Variants in FGF12 observed in about 807,000 individuals in gnomAD.
FGF12 encodes fibroblast growth factor 12B.
FGF12 carries 14 observed loss-of-function variants against 23.6 expected under a neutral mutation model. The observed-to-expected ratio is 0.59, with a 90% CI of 0.39 to 0.93. The LOEUF is 0.93. Ranked by LOEUF, FGF12 falls within the 40% of genes least tolerant of loss-of-function variation. The probability of loss-of-function intolerance (pLI) is 0.00; values close to 1 mark genes in which losing one functional copy is unlikely to be tolerated. For synonymous variants in FGF12, 62 were observed against 77.3 expected (o/e 0.80, Z 1.04); for missense variants, 175 against 217.8 (o/e 0.80, Z 1.24).
Position 192,649,886 on chromosome 3 carries a change from A to G in FGF12, c.13+77295T>C, listed in dbSNP as rs372612205. On this transcript the variant is annotated intron_variant, in intron 2 of 5. Transcript: ENST00000445105. Reference sequence around the variant, plus strand: ...ATTTTAACTTATGAATTATTTTCATACAAGATAATAGTCTTTTTAAAATGC... The same window carrying G: ...ATTTTAACTTATGAATTATTTTCATGCAAGATAATAGTCTTTTTAAAATGC... Among the ~76,000 whole-genome samples, 4 of 152,192 alleles carry G rather than the reference A, an allele frequency of 2.6e-5. No individual in the cohort carries two copies. In the East Asian group the frequency reaches 5.8e-4, roughly 22 times the overall value.
At position 192,504,159 on chromosome 3, in the gene FGF12, A is replaced by G. The variant is rs546362028; in HGVS notation, c.14-143621T>C. ...AGAAAGAGGACATATAAACACTAAG[A>G]GAGGAACCACGGACGCCAGGGCCTA... is the stretch of plus-strand genomic sequence containing the variant. On this transcript the variant is annotated intron_variant, in intron 2 of 5. Transcript: ENST00000445105. Among the ~76,000 whole-genome samples the G allele has an allele frequency of 6.6e-5, 10 of 152,180 alleles. No individual in the cohort carries two copies. The South Asian group carries it at 2.1e-3, about 32-fold the overall frequency.
intron 2 of FGF12, among the ~76,000 whole-genome samples, chr3:192,485,475 A>G (rs929671172): frequency 1.3e-5 from 2 of 152,200 alleles, no homozygotes; most frequent in Admixed American, 6.6e-5. Flanking sequence ...TAGGAATACC[A>G]TTGTTAGAAT....
At chr3:192,603,051 T>G (rs1279286301) in intron 2 of FGF12, among the ~76,000 whole-genome samples, 1 of 152,014 alleles carries the variant, frequency 6.6e-6, no homozygotes, top group African/African-American at 2.4e-5. Context: ...TAATAAGACC[T>G]TCTATGACAA....
intron 2 of FGF12, among the ~76,000 whole-genome samples, chr3:192,401,462 GT>G (rs751045781): frequency 2.4e-4 from 36 of 152,128 alleles, no homozygotes; most frequent in Middle Eastern, 3.2e-3. Flanking sequence ...TATGAAAATC[GT>G]TTTGACCTTC....
intron 3 of FGF12, 39 bp from the exon 4 acceptor site, chr3:192,335,503 C>A (rs576142751): frequency 6.6e-6 from 8 of 1,219,862 alleles, no homozygotes; most frequent in Middle Eastern, 2.0e-4. Flanking sequence ...GATCAGTGAC[C>A]TTTTGAATAA....
chr3:192,685,714 C>T (rs2108713153), intron 2 of FGF12, among the ~76,000 whole-genome samples: 2 of 152,226 alleles, frequency 1.3e-5, no homozygotes, highest in East Asian at 3.9e-4. Flanking sequence ...AATCGGACTT[C>T]AGGCTAAGGG....
intron 2 of FGF12, among the ~76,000 whole-genome samples, chr3:192,533,660 A>C (rs187734279): frequency 6.6e-6 from 1 of 151,980 alleles, no homozygotes; most frequent in Non-Finnish European, 1.5e-5. Context: ...GCCTCTGTTC[A>C]TTTTCTTTCC....
intron 2 of FGF12, among the ~76,000 whole-genome samples, chr3:192,423,587 A>G (rs972905191): frequency 6.6e-6 from 1 of 152,204 alleles, no homozygotes; most frequent in Non-Finnish European, 1.5e-5. Context: ...CTTGGAATGG[A>G]AAGAACTTTA....
In FGF12 at chr3:192,655,997, G is replaced by A. The variant is rs186739722; in HGVS notation, c.13+71184C>T. ...AGACACATGGGCCGAGAAAAGAAACGTTACATGCCAGAAAAGAAATTCCCT... is the reference window on the plus strand; with the variant it reads ...AGACACATGGGCCGAGAAAAGAAACATTACATGCCAGAAAAGAAATTCCCT... On this transcript the variant is annotated intron_variant, in intron 2 of 5. Transcript: ENST00000445105. 5.0e-3 allele frequency among the ~76,000 whole-genome samples: 670 copies of A among 134,930 alleles called. 11 individuals carry two copies. The highest frequency in any genetic ancestry group is 0.018 in the African/African-American group (653 of 35,752). The allele number at this position is 134,930 out of a possible 152,430, so 88.5% of individuals were successfully genotyped here. A position where few individuals can be genotyped will look rare whatever the true frequency, so the allele number is the denominator to read the frequency against.
At chr3:192,376,642 G>A (rs868317265) in intron 2 of FGF12, among the ~76,000 whole-genome samples, 10 of 152,120 alleles carry the variant, frequency 6.6e-5, no homozygotes, top group East Asian at 3.8e-4. Context: ...GATTACAGGC[G>A]TGAGCCACCG....
In FGF12 at chr3:192,341,217, A is replaced by G. The variant is rs571363240; in HGVS notation, c.125-5753T>C. Reference sequence around the variant, plus strand: ...CCAACAGGTATATGAAAATATACTCAACATCACTAATCATCAGATAATTAT... The same window carrying G: ...CCAACAGGTATATGAAAATATACTCGACATCACTAATCATCAGATAATTAT... On this transcript the variant is annotated intron_variant, in intron 3 of 5. Coordinates refer to ENST00000445105, the MANE Select transcript of FGF12 (RefSeq NM_004113.6). Among the ~76,000 whole-genome samples, 7 of 152,278 alleles carry G rather than the reference A, an allele frequency of 4.6e-5. No homozygotes were observed. In the South Asian group the frequency reaches 1.4e-3, roughly 32 times the overall value.
At chr3:192,289,459 C>CT (rs1714638859) in intron 4 of FGF12, among the ~76,000 whole-genome samples, 1 of 152,192 alleles carries the variant, frequency 6.6e-6, no homozygotes, top group African/African-American at 2.4e-5. Context: ...AGAAGGAACA[C>CT]TCACTGGAAG....
chr3:192,690,752 A>C (rs987777479), intron 2 of FGF12, among the ~76,000 whole-genome samples: 11 of 152,036 alleles, frequency 7.2e-5, no homozygotes, highest in African/African-American at 2.7e-4. Flanking sequence ...ATCAAAAGAC[A>C]TAGAGTGGAT....
At chr3:192,658,860 C>G (rs1716545253) in intron 2 of FGF12, among the ~76,000 whole-genome samples, 2 of 151,996 alleles carry the variant, frequency 1.3e-5, no homozygotes, top group South Asian at 4.2e-4. Flanking sequence ...TTCTAAAAAA[C>G]AAACAAACAA....
intron 2 of FGF12, among the ~76,000 whole-genome samples, chr3:192,492,963 T>G (rs1417153232): frequency 2.0e-5 from 3 of 150,558 alleles, no homozygotes; most frequent in Non-Finnish European, 4.4e-5. Context: ...GTAATTTTTT[T>G]TTTTTTTTTT....
At chr3:192,156,043 G>T (rs1714396656) in intron 5 of FGF12, among the ~76,000 whole-genome samples, 1 of 152,118 alleles carries the variant, frequency 6.6e-6, no homozygotes, top group Non-Finnish European at 1.5e-5. Flanking sequence ...CATGCTTTAG[G>T]AGGTGCTAGA....
At chr3:192,642,370 C>T (rs969304370) in intron 2 of FGF12, among the ~76,000 whole-genome samples, 2 of 152,144 alleles carry the variant, frequency 1.3e-5, no homozygotes, top group East Asian at 3.9e-4. Flanking sequence ...AACCCAAGTG[C>T]TCCTAAGAGA....
intron 5 of FGF12, among the ~76,000 whole-genome samples, chr3:192,167,429 A>G (rs1715229907): frequency 6.6e-6 from 1 of 152,012 alleles, no homozygotes; most frequent in Admixed American, 6.6e-5. Context: ...GCACAGTTGT[A>G]AATAAGCCGT....
intron 2 of FGF12, among the ~76,000 whole-genome samples, chr3:192,429,226 A>G (rs921391347): frequency 6.6e-6 from 1 of 152,170 alleles, no homozygotes; most frequent in African/African-American, 2.4e-5. Flanking sequence ...TGTTTATAAC[A>G]GCCCTCGCAG....
Sources: allele counts gnomAD v4.1 joint callset (sites outside exome capture counted in the v4.1 genomes callset), GRCh38; gene constraint gnomAD v4.1.1; transcripts MANE v1.5; gene names NCBI Gene and HGNC (gene_info 2026-07-23, HGNC 2026-07-21).